Variants in RBFOX1 observed in about 807,000 individuals in gnomAD.
The protein encoded by RBFOX1 is RNA binding protein fox-1 homolog 1.
A neutral mutation model predicts 57.7 loss-of-function variants in RBFOX1; 8 were observed. The ratio of observed to expected loss-of-function variants is 0.14; its 90% CI spans 0.08 to 0.25. RBFOX1 has a LOEUF of 0.25. Ranked by LOEUF, RBFOX1 falls within the 10% of genes least tolerant of loss-of-function variation. The pLI, the probability that RBFOX1 is intolerant of heterozygous loss-of-function variation, is 1.00. For missense variants in RBFOX1, 611 were observed against 548.5 expected (o/e 1.11, Z -1.14); for synonymous variants, 326 against 222.4 (o/e 1.47, Z -4.15).
chr16:6,497,460 G>T (rs1257247354), intron 2 of RBFOX1, among the ~76,000 whole-genome samples: 1 of 152,064 alleles, frequency 6.6e-6, no homozygotes. Flanking sequence ...AAAGAAGTTG[G>T]TGTGAACTCT....
At chr16:6,253,321 C>CTGTCACTGACAGATGTAGG (rs2097636657) in intron 1 of RBFOX1, among the ~76,000 whole-genome samples, 1 of 152,188 alleles carries the variant, frequency 6.6e-6, no homozygotes, top group Admixed American at 6.6e-5. Context: ...GTCATCACAT[C>CTGTCACTGACAGATGTAGG]TGTCACTGAC....
At chr16:7,080,822 C>T (rs1390460336) in intron 4 of RBFOX1, among the ~76,000 whole-genome samples, 1 of 152,184 alleles carries the variant, frequency 6.6e-6, no homozygotes, top group African/African-American at 2.4e-5. Context: ...CTGGCCTTTT[C>T]GCTGTCACTT....
chr16:6,832,843 C>T (rs536037241), intron 3 of RBFOX1, among the ~76,000 whole-genome samples: 1 of 152,342 alleles, frequency 6.6e-6, no homozygotes, highest in Non-Finnish European at 1.5e-5. Context: ...AGTTAAGAAT[C>T]CCAACTACGT....
At chr16:6,101,798 C>T (rs974377024) in intron 1 of RBFOX1, among the ~76,000 whole-genome samples, 1 of 152,168 alleles carries the variant, frequency 6.6e-6, no homozygotes, top group Non-Finnish European at 1.5e-5. Context: ...AACACTCCTA[C>T]CCCTGCCCAA....
rs117795885 is a variant in RBFOX1 at position 7,481,798 on chromosome 16, C to T, written c.28-36349C>T. 6.3e-3 allele frequency among the ~76,000 whole-genome samples: 958 copies of T among 152,302 alleles called. 7 individuals are homozygous for T. Among genetic ancestry groups the T allele is most frequent in the Non-Finnish European group, 0.011 (736 of 68,038 alleles). On this transcript the variant is annotated intron_variant, in intron 4 of 15. Transcript: ENST00000550418. ...CACTTAACACCCCTCACCTACTCAA[C>T]ATCACAGCTTAGCCTAGCCTGCCTT...
chr16:6,927,372 C>G (rs185714278), intron 3 of RBFOX1, among the ~76,000 whole-genome samples: 30 of 141,770 alleles, frequency 2.1e-4, no homozygotes, highest in African/African-American at 8.0e-4. Context: ...GAGATCGCAC[C>G]GCTCCACTCC....
intron 3 of RBFOX1, among the ~76,000 whole-genome samples, chr16:7,016,192 G>T (rs1040259103): frequency 3.3e-5 from 5 of 152,134 alleles, no homozygotes; most frequent in East Asian, 1.9e-4. Context: ...GAAGTCCTTT[G>T]TTGAGATCAG....
chr16:7,596,885 C>T (rs758478590), intron 8 of RBFOX1, among the ~76,000 whole-genome samples: 22 of 152,300 alleles, frequency 1.4e-4, no homozygotes, highest in Middle Eastern at 3.4e-3. Context: ...CTAGATGTTG[C>T]TTTCCTGATG....
At chr16:7,081,260 G>A (rs558119656) in intron 4 of RBFOX1, among the ~76,000 whole-genome samples, 1 of 152,272 alleles carries the variant, frequency 6.6e-6, no homozygotes, top group East Asian at 1.9e-4. Context: ...GTCTTGAACT[G>A]CTGACCTCAA....
intron 1 of RBFOX1, among the ~76,000 whole-genome samples, chr16:6,299,568 C>T (rs1406088012): frequency 2.6e-5 from 4 of 152,078 alleles, no homozygotes; most frequent in African/African-American, 4.8e-5. Context: ...AAGACCCCAG[C>T]GTCATCGTCA....
intron 3 of RBFOX1, among the ~76,000 whole-genome samples, chr16:6,987,622 A>T (rs2090589795): frequency 6.6e-6 from 1 of 152,148 alleles, no homozygotes; most frequent in Non-Finnish European, 1.5e-5. Flanking sequence ...TGGAATTTCC[A>T]TTCCGTTGAA....
rs539858093 is a variant in RBFOX1 at position 7,257,046 on chromosome 16, G to T, written c.27+204948G>T. 9.2e-5 allele frequency among the ~76,000 whole-genome samples: 14 copies of T among 152,258 alleles called. 1 individual carries two copies. The Middle Eastern group carries it at 0.024, about 259-fold the overall frequency. On this transcript the variant is annotated intron_variant, in intron 4 of 15. Coordinates refer to ENST00000550418, the MANE Select transcript of RBFOX1 (RefSeq NM_018723.4). Reference sequence around the variant, plus strand: ...ATCCGACCCTCCTGGAGAATGGGATGCTGTATAATTTCATTTCCCGTGTGT... The same window carrying T: ...ATCCGACCCTCCTGGAGAATGGGATTCTGTATAATTTCATTTCCCGTGTGT...
At chr16:7,197,949 CT>C (rs1274920986) in intron 4 of RBFOX1, among the ~76,000 whole-genome samples, 3 of 143,452 alleles carry the variant, frequency 2.1e-5, no homozygotes, top group African/African-American at 7.8e-5. Context: ...TGTGTTTTCT[CT>C]TTTTTCCCCC....
At chr16:5,705,987 T>C (rs1369596370) in intron 3 of RBFOX1, among the ~76,000 whole-genome samples, 1 of 152,214 alleles carries the variant, frequency 6.6e-6, no homozygotes, top group Non-Finnish European at 1.5e-5. Flanking sequence ...CTCCATTCAC[T>C]GCAACCTCTG....
chr16:5,986,281 C>T (rs993050515), intron 4 of RBFOX1, among the ~76,000 whole-genome samples: 19 of 152,178 alleles, frequency 1.2e-4, no homozygotes, highest in African/African-American at 4.6e-4. Context: ...TCAGGCTGGT[C>T]TCAAACTCCT....
intron 2 of RBFOX1, among the ~76,000 whole-genome samples, chr16:5,534,831 T>G (rs1228984799): frequency 6.6e-6 from 1 of 152,190 alleles, no homozygotes; most frequent in African/African-American, 2.4e-5. Context: ...AGTTGACACC[T>G]AACATCAACT....
At chr16:7,017,907 A>G (rs1450773414) in intron 3 of RBFOX1, among the ~76,000 whole-genome samples, 1 of 152,178 alleles carries the variant, frequency 6.6e-6, no homozygotes, top group Non-Finnish European at 1.5e-5. Flanking sequence ...GATGAAAGAC[A>G]TTTACCAAAA....
chr16:6,669,408 T>C (rs1197451605), intron 3 of RBFOX1, among the ~76,000 whole-genome samples: 1 of 152,208 alleles, frequency 6.6e-6, no homozygotes, highest in African/African-American at 2.4e-5. Flanking sequence ...GTGATCTTTT[T>C]ACTGTGGCCA....
chr16:5,624,090 G>C (rs2048277549), intron 3 of RBFOX1, among the ~76,000 whole-genome samples: 1 of 152,216 alleles, frequency 6.6e-6, no homozygotes, highest in African/African-American at 2.4e-5. Flanking sequence ...AGGGATTAAA[G>C]AGTTTGGGGA....
Sources: allele counts gnomAD v4.1 joint callset (sites outside exome capture counted in the v4.1 genomes callset), GRCh38; gene constraint gnomAD v4.1.1; transcripts MANE v1.5; gene names NCBI Gene and HGNC (gene_info 2026-07-23, HGNC 2026-07-21).